Variants in GPBP1L1 observed in about 807,000 individuals in gnomAD.
GPBP1L1 encodes the protein vasculin-like protein 1.
GPBP1L1 carries 23 observed loss-of-function variants against 52.5 expected under a neutral mutation model. That is an observed-to-expected ratio of 0.44 (90% CI 0.32 to 0.62). The LOEUF is 0.62. Ranked by LOEUF, GPBP1L1 falls within the 20% of genes least tolerant of loss-of-function variation. The pLI, the probability that GPBP1L1 is intolerant of heterozygous loss-of-function variation, is 0.06. For missense variants in GPBP1L1, 596 were observed against 579.3 expected, an observed-to-expected ratio of 1.03 and a Z score of -0.30; for synonymous variants, 243 against 203.1, an observed-to-expected ratio of 1.20 and a Z score of -1.67.
At chr1:45,634,679 G>A (rs1644572361) in intron 8 of GPBP1L1, 1 of 153,120 alleles carries the variant, frequency 6.5e-6, no homozygotes, top group South Asian at 2.1e-4. Context: ...CCCACAAAGT[G>A]CATCACAAAA....
At position 45,644,899 on chromosome 1, in the gene GPBP1L1, C is replaced by T. The variant is rs149146748; in HGVS notation, c.478-2400G>A. Among the ~76,000 whole-genome samples the T allele has an allele frequency of 5.6e-4, 85 of 152,276 alleles. No individual in the cohort carries two copies. In the East Asian group the frequency reaches 0.013, roughly 23 times the overall value. On this transcript the variant is annotated intron_variant, in intron 6 of 12. Coordinates refer to ENST00000355105, the MANE Select transcript of GPBP1L1 (RefSeq NM_021639.5). Reference sequence around the variant, plus strand: ...ATAAATAGGAACTTCCCCTATTTGGCAATTCAACAGTACAGTTCATATAGA... The same window carrying T: ...ATAAATAGGAACTTCCCCTATTTGGTAATTCAACAGTACAGTTCATATAGA...
At chr1:45,682,678 CAATT>C (rs1405356098) in intron 2 of GPBP1L1, among the ~76,000 whole-genome samples, 5 of 152,166 alleles carry the variant, frequency 3.3e-5, no homozygotes, top group African/African-American at 7.2e-5. Flanking sequence ...GCTAACAGAT[CAATT>C]ATTTGCCTTA....
At position 45,653,082 on chromosome 1, in the gene GPBP1L1, G is replaced by A. The variant is rs113310660; in HGVS notation, c.477+1461C>T. On this transcript the variant is annotated intron_variant, in intron 6 of 12. Coordinates refer to ENST00000355105, the MANE Select transcript of GPBP1L1 (RefSeq NM_021639.5). The stretch of plus-strand genomic sequence containing the variant: ...AAAGTTTTGAAGAACACTCACCTGG[G>A]AATAGGAATTCACATTAATATATAA... Among the ~76,000 whole-genome samples the A allele has an allele frequency of 1.5e-3, 224 of 152,266 alleles. 2 individuals are homozygous for A. The highest frequency in any genetic ancestry group is 5.3e-3 in the African/African-American group (219 of 41,524).
Position 45,676,289 on chromosome 1 carries a change from A to G in GPBP1L1, c.-1098+9287T>C, listed in dbSNP as rs114735495. 6.8e-3 allele frequency among the ~76,000 whole-genome samples: 1,042 copies of G among 152,238 alleles called. 12 individuals are homozygous for G. The highest frequency in any genetic ancestry group is 0.024 in the African/African-American group (1,003 of 41,558). ...TACCTTAAGATTTTTTTTCCCATAC[A>G]GCATTTCTGTCTATTAAGAAAATAC... On this transcript the variant is annotated intron_variant, in intron 2 of 12. Coordinates refer to ENST00000355105, the MANE Select transcript of GPBP1L1 (RefSeq NM_021639.5).
At position 45,643,987 on chromosome 1, in the gene GPBP1L1, A is replaced by G. The variant is rs972683768; in HGVS notation, c.478-1488T>C. ...CAGCAGGAAAATGGCTTTTCAGCACAATTGCCTGTGAACATTATACAAACA... is the reference window on the plus strand; with the variant it reads ...CAGCAGGAAAATGGCTTTTCAGCACGATTGCCTGTGAACATTATACAAACA... On this transcript the variant is annotated intron_variant, in intron 6 of 12. Transcript: ENST00000355105. Among the ~76,000 whole-genome samples, 6 of 152,134 alleles carry G rather than the reference A, an allele frequency of 3.9e-5. No homozygotes were observed. The South Asian group carries it at 1.2e-3, about 32-fold the overall frequency.
chr1:45,655,316 G>T lies in GPBP1L1; in HGVS notation c.64C>A (p.Pro22Thr), dbSNP rs149008550. The T allele has an allele frequency of 6.2e-7, 1 of 1,614,078 alleles. No homozygotes were observed. The highest frequency in any genetic ancestry group is 2.2e-5 in the East Asian group (1 of 44,880). The part of the protein sequence containing the change: ...NFSTPQSAKS[P>T]TATFEKHGEH... Reference sequence around the variant, plus strand: ...CCGTGTTTTTCGAAGGTGGCAGTAGGTGACTAAGATGATGAAGTATGGAGA... The same window carrying T: ...CCGTGTTTTTCGAAGGTGGCAGTAGTTGACTAAGATGATGAAGTATGGAGA... Residue 22 changes from proline to threonine, a missense_variant, in exon 5 of 13, where the codon CCT (proline) becomes ACT (threonine). Physicochemically the swap from Pro to Thr is conservative, Grantham distance 38. Transcript: ENST00000355105.
At chr1:45,630,897 A>G (rs1644521787) in intron 10 of GPBP1L1, 1 of 371,562 alleles carries the variant, frequency 2.7e-6, no homozygotes, top group African/African-American at 2.1e-5. Flanking sequence ...GGAGTAATTA[A>G]AACAGTATGG....
At position 45,685,324 on chromosome 1, in the gene GPBP1L1, C is replaced by A. The variant is rs141922200; in HGVS notation, c.-1098+252G>T. ...ACTTTACTTTTGGATAAGATTTACA[C>A]AAGAACACGACTTACTACTAAACTA... On this transcript the variant is annotated intron_variant, in intron 2 of 12. Transcript: ENST00000355105. Among the ~76,000 whole-genome samples the A allele has an allele frequency of 4.8e-3, 730 of 152,266 alleles. 2 individuals are homozygous for A. Among genetic ancestry groups the A allele is most frequent in the South Asian group, 0.014 (69 of 4,830 alleles).
At chr1:45,638,255 T>C (rs1459819909) in intron 8 of GPBP1L1, among the ~76,000 whole-genome samples, 1 of 152,216 alleles carries the variant, frequency 6.6e-6, no homozygotes, top group Non-Finnish European at 1.5e-5. Context: ...TCCTCATCCA[T>C]TCACTTATCT....
At chr1:45,661,885 A>G (rs1644951598) in intron 2 of GPBP1L1, among the ~76,000 whole-genome samples, 1 of 152,176 alleles carries the variant, frequency 6.6e-6, no homozygotes, top group South Asian at 2.1e-4. Flanking sequence ...TCTCTCATAA[A>G]TGGGACAGGT....
At chr1:45,636,012 T>C (rs1321754110) in intron 8 of GPBP1L1, among the ~76,000 whole-genome samples, 1 of 152,202 alleles carries the variant, frequency 6.6e-6, no homozygotes, top group Non-Finnish European at 1.5e-5. Context: ...AGTAAGTCAG[T>C]ATACATTATC....
At chr1:45,650,463 T>C (rs982828390) in intron 6 of GPBP1L1, among the ~76,000 whole-genome samples, 4 of 152,242 alleles carry the variant, frequency 2.6e-5, no homozygotes, top group Non-Finnish European at 4.4e-5. Flanking sequence ...TCAAGGTCTG[T>C]GCTGAGTGGT....
chr1:45,687,785 T>C (rs1442780644), upstream of GPBP1L1: 6 of 152,184 alleles, frequency 3.9e-5, no homozygotes, highest in Non-Finnish European at 2.9e-5. Context: ...TGGGCTTTTT[T>C]CCCCCTCTAA....
At chr1:45,651,533 G>T in intron 6 of GPBP1L1, 1 of 530,116 alleles carries the variant, frequency 1.9e-6, no homozygotes, top group South Asian at 2.0e-5. Flanking sequence ...GTACTTGTGG[G>T]CCAGCTTAAG....
intron 6 of GPBP1L1, among the ~76,000 whole-genome samples, chr1:45,650,406 T>C (rs1305290200): frequency 2.6e-5 from 4 of 152,246 alleles, no homozygotes; most frequent in Non-Finnish European, 5.9e-5. Context: ...TCTGTGTTCC[T>C]GTCTATATCA....
At chr1:45,650,159 C>CA (rs1644803293) in intron 6 of GPBP1L1, among the ~76,000 whole-genome samples, 2 of 152,162 alleles carry the variant, frequency 1.3e-5, no homozygotes, top group Admixed American at 6.5e-5. Context: ...GGCATCCTCT[C>CA]AGAGTCCCTT....
At chr1:45,676,398 T>C (rs576219731) in intron 2 of GPBP1L1, among the ~76,000 whole-genome samples, 1 of 152,038 alleles carries the variant, frequency 6.6e-6, no homozygotes, top group South Asian at 2.1e-4. Flanking sequence ...CCCAGGAGTT[T>C]AAGACAAACC....
intron 2 of GPBP1L1, among the ~76,000 whole-genome samples, chr1:45,673,815 C>T (rs971031777): frequency 2.0e-5 from 3 of 152,144 alleles, no homozygotes; most frequent in Non-Finnish European, 4.4e-5. Context: ...GCCAAGATCA[C>T]GCCACTGCAC....
upstream of GPBP1L1, chr1:45,687,926 TTACC>T (rs1166946902): frequency 6.6e-6 from 1 of 152,242 alleles, no homozygotes; most frequent in African/African-American, 2.4e-5. Flanking sequence ...ATCCCGTCTC[TTACC>T]TTCCTTCACC....
Sources: gnomAD v4.1 joint callset for allele counts (sites outside exome capture counted in the v4.1 genomes callset) on GRCh38, gnomAD v4.1.1 for gene constraint, MANE v1.5 for transcripts, NCBI Gene and HGNC (gene_info 2026-07-23, HGNC 2026-07-21) for gene names.